Variants in ENPP6 observed in about 807,000 individuals in gnomAD.
ENPP6 encodes the protein glycerophosphocholine cholinephosphodiesterase ENPP6.
In ENPP6, 32 loss-of-function variants were observed where a neutral mutation model predicts 42.0. The observed-to-expected ratio is 0.76, with a 90% confidence interval of 0.58 to 1.02. The LOEUF (loss-of-function observed/expected upper bound fraction) is 1.02. Among genes scored for constraint, ENPP6 ranks in the 50% least tolerant of loss-of-function variants. The pLI is 0.00. For synonymous variants in ENPP6, 213 were observed against 216.0 expected (o/e 0.99, Z 0.12); for missense variants, 552 against 566.8 (o/e 0.97, Z 0.27).
chr4:184,119,703 G>A (rs1736383132), intron 3 of ENPP6, among the ~76,000 whole-genome samples: 1 of 152,126 alleles, frequency 6.6e-6, no homozygotes, highest in East Asian at 1.9e-4. Context: ...TGTTGTGGGA[G>A]GGATCCAGTG....
At chr4:184,192,937 C>T (rs749546361) in intron 1 of ENPP6, among the ~76,000 whole-genome samples, 1 of 152,076 alleles carries the variant, frequency 6.6e-6, no homozygotes, top group African/African-American at 2.4e-5. Flanking sequence ...ATAAAAAAGA[C>T]AATAATGGCT....
chr4:184,088,783 T>G lies in ENPP6; in HGVS notation c.*2394A>C, dbSNP rs1735735101. The G allele has an allele frequency of 6.6e-6, 1 of 152,240 alleles. No individual in the cohort carries two copies. The highest frequency in any genetic ancestry group is 2.1e-4 in the South Asian group (1 of 4,836). 9.4% of individuals were successfully genotyped at this position (152,240 alleles called of 1,614,324 possible). A position where few individuals can be genotyped will look rare whatever the true frequency, so the allele number is the denominator to read the frequency against. ...TTTATTGTTTACCAGGATTCATGATTCCTTTTGTAACTTGTTCTCAGTCAT... is the reference window on the plus strand; with the variant it reads ...TTTATTGTTTACCAGGATTCATGATGCCTTTTGTAACTTGTTCTCAGTCAT... On this transcript the variant is annotated 3_prime_UTR_variant, in exon 8 of 8. Coordinates refer to ENST00000296741, the MANE Select transcript of ENPP6 (RefSeq NM_153343.4).
At position 184,112,728 on chromosome 4, in the gene ENPP6, CT is replaced by C; in HGVS notation, c.936del (p.Gly313GlufsTer7). 1 of 1,614,094 alleles carries C rather than the reference CT, an allele frequency of 6.2e-7. No homozygotes were observed. The highest frequency in any genetic ancestry group is 2.2e-5 in the East Asian group (1 of 44,868). On this transcript the variant is annotated frameshift_variant, in exon 6 of 8. Transcript: ENST00000296741. LOFTEE classifies it high-confidence loss of function. The part of the protein sequence containing the change: ...EAIPSRFYYK[K>X]GKFVSPLTLV... ...AAAGTCAAAGGAGAGACAAACTTTC[CT>C]TTCTTGTAATAGAACCTGCTTGGGA...
chr4:184,164,973 C>T (rs1737325595), intron 1 of ENPP6, among the ~76,000 whole-genome samples: 1 of 152,124 alleles, frequency 6.6e-6, no homozygotes, highest in African/African-American at 2.4e-5. Flanking sequence ...TCAGGAAGCC[C>T]ACAGGAGAAG....
intron 7 of ENPP6, among the ~76,000 whole-genome samples, chr4:184,091,919 A>C (rs951192516): frequency 6.6e-5 from 10 of 152,022 alleles, no homozygotes. Flanking sequence ...CAGCAAACAG[A>C]CTTTCTTTGT....
At chr4:184,127,527 A>T (rs1736524090) in intron 2 of ENPP6, among the ~76,000 whole-genome samples, 1 of 152,214 alleles carries the variant, frequency 6.6e-6, no homozygotes, top group South Asian at 2.1e-4. Flanking sequence ...CAGGCTGAAT[A>T]AAAAAGCAAG....
chr4:184,195,376 T>C (rs191397285), intron 1 of ENPP6, among the ~76,000 whole-genome samples: 98 of 152,280 alleles, frequency 6.4e-4, no homozygotes, highest in Admixed American at 1.0e-3. Flanking sequence ...TGACAACATG[T>C]GGTATTTGGT....
intron 2 of ENPP6, among the ~76,000 whole-genome samples, chr4:184,147,278 C>A (rs1296075066): frequency 6.6e-6 from 1 of 152,170 alleles, no homozygotes; most frequent in East Asian, 1.9e-4. Context: ...CATTTCTCAC[C>A]ACCTCTGTTG....
chr4:184,167,058 G>C (rs763563086), intron 1 of ENPP6, among the ~76,000 whole-genome samples: 13 of 152,214 alleles, frequency 8.5e-5, no homozygotes, highest in Non-Finnish European at 1.0e-4. Flanking sequence ...TGGGGCAGGG[G>C]TTGGGAGGTA....
At chr4:184,105,580 A>C (rs1298728885) in intron 6 of ENPP6, among the ~76,000 whole-genome samples, 1 of 152,244 alleles carries the variant, frequency 6.6e-6, no homozygotes, top group Non-Finnish European at 1.5e-5. Context: ...CCATTAACTC[A>C]GTAAATACAG....
rs188917200 is a variant in ENPP6, at chr4:184,165,983, A to C, written c.242-12250T>G. Among the ~76,000 whole-genome samples, 588 of 152,376 alleles carry C rather than the reference A, an allele frequency of 3.9e-3. 2 individuals carry two copies. The highest frequency in any genetic ancestry group is 6.8e-3 in the Middle Eastern group (2 of 294). ...CCTGCTTAGATTAGTGAACTTTCAT[A>C]TAACTACTTTATACCCAAGAGACTT... On this transcript the variant is annotated intron_variant, in intron 1 of 7. Transcript: ENST00000296741.
In ENPP6 at chr4:184,196,601, C is replaced by T. The variant is rs190011661; in HGVS notation, c.241+20978G>A. ...AATGTTACAATCTACATGTCAAAGCCTTTTGGAAGGAGGGCATCTTATTTT... is the reference window on the plus strand; with the variant it reads ...AATGTTACAATCTACATGTCAAAGCTTTTTGGAAGGAGGGCATCTTATTTT... On this transcript the variant is annotated intron_variant, in intron 1 of 7. Coordinates refer to ENST00000296741, the MANE Select transcript of ENPP6 (RefSeq NM_153343.4). 1.4e-3 allele frequency among the ~76,000 whole-genome samples: 206 copies of T among 152,280 alleles called. 2 individuals carry two copies. In the Middle Eastern group the frequency reaches 0.014, roughly 10 times the overall value.
intron 2 of ENPP6, among the ~76,000 whole-genome samples, chr4:184,142,314 G>A (rs1480285067): frequency 6.6e-6 from 1 of 152,256 alleles, no homozygotes; most frequent in Non-Finnish European, 1.5e-5. Flanking sequence ...CGAGACAGGT[G>A]TGCAACTGTT....
intron 4 of ENPP6, 109 bp from the exon 5 acceptor site, chr4:184,117,144 T>C (rs1736334367): frequency 2.3e-6 from 3 of 1,322,980 alleles, no homozygotes; most frequent in South Asian, 2.8e-5. Context: ...CTCAGTTCTG[T>C]GTTTAATCTT....
At chr4:184,186,772 G>A (rs1732639755) in intron 1 of ENPP6, among the ~76,000 whole-genome samples, 1 of 152,172 alleles carries the variant, frequency 6.6e-6, no homozygotes, top group South Asian at 2.1e-4. Flanking sequence ...CCCCGCCGTG[G>A]CCTGGGCTGA....
In ENPP6 at chr4:184,091,213, A is replaced by G. The variant is rs1473529310; in HGVS notation, c.1287T>C (p.Cys429=). Residue 429 remains cysteine (C), a synonymous_variant, in exon 8 of 8, where the codon TGT becomes TGC. Coordinates refer to ENST00000296741, the MANE Select transcript of ENPP6 (RefSeq NM_153343.4). ...STAPPVWPSH[C]ALALILLFLL... is the part of the protein sequence containing the mutation. Reference sequence around the variant, plus strand: ...GGAAGAGAAGAATCAGTGCCAGGGCACAGTGGCTGGGCCAGACAGGCGGGG... The same window carrying G: ...GGAAGAGAAGAATCAGTGCCAGGGCGCAGTGGCTGGGCCAGACAGGCGGGG... The G allele has an allele frequency of 1.3e-6, 2 of 1,597,766 alleles. No individual in the cohort carries two copies. The highest frequency in any genetic ancestry group is 1.7e-6 in the Non-Finnish European group (2 of 1,171,376).
intron 1 of ENPP6, among the ~76,000 whole-genome samples, chr4:184,192,909 A>T (rs1732729130): frequency 6.6e-6 from 1 of 152,236 alleles, no homozygotes; most frequent in Non-Finnish European, 1.5e-5. Context: ...GCCACTTCAT[A>T]ACCCTGGAAT....
At chr4:184,202,600 C>A (rs948185475) in intron 1 of ENPP6, among the ~76,000 whole-genome samples, 1 of 152,166 alleles carries the variant, frequency 6.6e-6, no homozygotes, top group African/African-American at 2.4e-5. Context: ...TCCTCCTTTG[C>A]CCAAACTATC....
intron 2 of ENPP6, 110 bp from the exon 3 acceptor site, chr4:184,124,382 T>G: frequency 1.3e-6 from 1 of 775,754 alleles, no homozygotes; most frequent in East Asian, 2.6e-5. Context: ...ATAAAAATGT[T>G]GAGTATTTTT....
Sources: gnomAD v4.1 joint callset for allele counts (sites outside exome capture counted in the v4.1 genomes callset) on GRCh38, gnomAD v4.1.1 for gene constraint, MANE v1.5 for transcripts, NCBI Gene and HGNC (gene_info 2026-07-23, HGNC 2026-07-21) for gene names.